The following KANSL1 variants were observed in gnomAD, a reference collection of about 807,000 sequenced individuals.
KANSL1 encodes the protein MLL1/MLL complex subunit KANSL1.
In KANSL1, 22 loss-of-function variants were observed where a neutral mutation model predicts 103.6. The ratio of observed to expected loss-of-function variants is 0.21; its 90% CI spans 0.15 to 0.30. The LOEUF (loss-of-function observed/expected upper bound fraction) is 0.30. Among genes scored for constraint, KANSL1 ranks in the 10% least tolerant of loss-of-function variants. The pLI, the probability that KANSL1 is intolerant of heterozygous loss-of-function variation, is 1.00. For synonymous variants in KANSL1, 600 were observed against 527.6 expected, an observed-to-expected ratio of 1.14 and a Z score of -1.88; for missense variants, 1,337 against 1,399.8, an observed-to-expected ratio of 0.96 and a Z score of 0.72.
intron 7 of KANSL1, chr17:46,040,786 A>G (rs1049085501): frequency 6.6e-6 from 1 of 152,180 alleles, no homozygotes; most frequent in Non-Finnish European, 1.5e-5. Context: ...CAATCGACTG[A>G]CGTGGTATCT....
At chr17:46,187,912 G>A (rs1036637511) in intron 1 of KANSL1, among the ~76,000 whole-genome samples, 3 of 152,082 alleles carry the variant, frequency 2.0e-5, no homozygotes, top group Admixed American at 6.5e-5. Context: ...GTCAGTTTCC[G>A]CACTCTATTT....
chr17:46,122,913 C>T (rs1258142523), intron 2 of KANSL1, among the ~76,000 whole-genome samples: 1 of 152,198 alleles, frequency 6.6e-6, no homozygotes, highest in Non-Finnish European at 1.5e-5. Context: ...TCTCCCTCTC[C>T]TCTTGTTTCC....
chr17:46,198,725 C>CT (rs1321351291), upstream of KANSL1, among the ~76,000 whole-genome samples: 1 of 152,206 alleles, frequency 6.6e-6, no homozygotes, highest in Non-Finnish European at 1.5e-5. Flanking sequence ...GAGCGGGACT[C>CT]TGTTTCAAAA....
chr17:46,050,477 C>T (rs2077674088), intron 7 of KANSL1, 56 bp downstream of exon 7: 3 of 1,548,352 alleles, frequency 1.9e-6, no homozygotes, highest in African/African-American at 1.4e-5. Context: ...TTTTCTTTCA[C>T]CTAGAAGTCT....
chr17:46,082,306 A>G lies in KANSL1; in HGVS notation c.1533+135T>C, dbSNP rs111519055. The G allele has an allele frequency of 0.15, 85,652 of 571,898 alleles. 8,147 individuals carry two copies. Among genetic ancestry groups the G allele is most frequent in the Middle Eastern group, 0.2 (570 of 2,830 alleles). 35.4% of individuals were successfully genotyped at this position (571,898 alleles called of 1,614,324 possible). A position where few individuals can be genotyped will look rare whatever the true frequency, so the allele number is the denominator to read the frequency against. On this transcript the variant is annotated intron_variant, in intron 4 of 14. Coordinates refer to ENST00000432791, the MANE Select transcript of KANSL1 (RefSeq NM_015443.4). ...TATTCAGGAATTCAGATCTTAAAACACCAAAAGTGATAAAAGTAGATACAG... is the reference window on the plus strand; with the variant it reads ...TATTCAGGAATTCAGATCTTAAAACGCCAAAAGTGATAAAAGTAGATACAG...
At chr17:46,195,066 T>C (rs559515772), upstream of KANSL1, among the ~76,000 whole-genome samples, 1 of 152,378 alleles carries the variant, frequency 6.6e-6, no homozygotes, top group Non-Finnish European at 1.5e-5. Context: ...TTTACAACCC[T>C]GGGGAAAAAC....
rs571578835 is a variant in KANSL1, at chr17:46,034,494, T to C, written c.2542-209A>G. ...GAAATACCAGGTGGTCATGAGGAGT[T>C]AGTCCCATTCATAAGTCCCACTGGT... On this transcript the variant is annotated intron_variant, in intron 10 of 14. Coordinates refer to ENST00000432791, the MANE Select transcript of KANSL1 (RefSeq NM_015443.4). The C allele has an allele frequency of 3.4e-5, 17 of 498,396 alleles. No homozygotes were observed. In the East Asian group the frequency reaches 5.8e-4, roughly 17 times the overall value. 30.9% of individuals were successfully genotyped at this position (498,396 alleles called of 1,614,324 possible).
intron 8 of KANSL1, 132 bp from the exon 9 acceptor site, chr17:46,039,347 GAAGT>G: frequency 1.2e-6 from 1 of 803,356 alleles, no homozygotes; most frequent in Non-Finnish European, 1.9e-6. Context: ...CTTCAGGACT[GAAGT>G]TTCTAGTAAT....
At chr17:46,166,506 C>T (rs2046008516) in intron 2 of KANSL1, among the ~76,000 whole-genome samples, 1 of 149,962 alleles carries the variant, frequency 6.7e-6, no homozygotes, top group Non-Finnish European at 1.5e-5. Flanking sequence ...GAGCAACATT[C>T]GGTCTCCAAA....
intron 2 of KANSL1, among the ~76,000 whole-genome samples, chr17:46,114,440 G>A (rs1000454740): frequency 7.9e-5 from 12 of 152,302 alleles, no homozygotes; most frequent in South Asian, 2.1e-4. Context: ...TATCTGAAGA[G>A]GAAGAAGGAT....
intron 2 of KANSL1, among the ~76,000 whole-genome samples, chr17:46,155,957 C>T (rs935856189): frequency 7.9e-5 from 12 of 152,190 alleles, no homozygotes; most frequent in Non-Finnish European, 2.9e-5. Context: ...ACTCTAAGAA[C>T]AATCCTTTCT....
intron 2 of KANSL1, among the ~76,000 whole-genome samples, chr17:46,166,282 C>T (rs1029710483): frequency 3.3e-5 from 5 of 150,804 alleles, no homozygotes; most frequent in African/African-American, 4.9e-5. Context: ...GAGGCCAAGG[C>T]GGGTAGATCA....
chr17:46,189,031 CAAAAAAAAAAAAAA>C (rs57566816), intron 1 of KANSL1, among the ~76,000 whole-genome samples: 1,778 of 62,360 alleles, frequency 0.029, 74 homozygotes, highest in African/African-American at 0.16. Flanking sequence ...AAGATTGTCT[CAAAAAAAAAAAAAA>C]AAAAAAAAAA....
chr17:46,131,436 A>G (rs2043855822), intron 2 of KANSL1, among the ~76,000 whole-genome samples: 1 of 152,244 alleles, frequency 6.6e-6, no homozygotes, highest in Non-Finnish European at 1.5e-5. Flanking sequence ...TCATACCTTA[A>G]TTGTGCAAAA....
chr17:46,065,380 T>G (rs773293019), intron 6 of KANSL1, among the ~76,000 whole-genome samples: 2 of 152,202 alleles, frequency 1.3e-5, no homozygotes. Context: ...TTTTGTTTAG[T>G]GTTGTATACC....
intron 1 of KANSL1, among the ~76,000 whole-genome samples, chr17:46,173,148 T>C (rs2046366057): frequency 6.6e-6 from 1 of 152,224 alleles, no homozygotes; most frequent in Admixed American, 6.5e-5. Context: ...TTTCCTGATG[T>C]CCTTGTACTA....
rs749472138 is a variant in KANSL1 at position 46,039,225 on chromosome 17, G to A, written c.2204-10C>T. 17 of 1,548,870 alleles carry A rather than the reference G, an allele frequency of 1.1e-5. No homozygotes were observed. The highest frequency in any genetic ancestry group is 1.3e-5 in the Non-Finnish European group (15 of 1,153,706). On this transcript the variant is annotated splice_polypyrimidine_tract_variant and intron_variant, in intron 8 of 14. Coordinates refer to ENST00000432791, the MANE Select transcript of KANSL1 (RefSeq NM_015443.4). ...TGGTGATGGGACAGCTCTGAAGAGGGGAACAGAAAAAGAGCTGTGAAATAT... is the reference window on the plus strand; with the variant it reads ...TGGTGATGGGACAGCTCTGAAGAGGAGAACAGAAAAAGAGCTGTGAAATAT...
intron 2 of KANSL1, among the ~76,000 whole-genome samples, chr17:46,123,223 A>C (rs1466301036): frequency 6.6e-6 from 1 of 152,144 alleles, no homozygotes; most frequent in Middle Eastern, 3.2e-3. Flanking sequence ...CTAAAAATAC[A>C]AAAATTATGT....
At position 46,171,282 on chromosome 17, in the gene KANSL1, G is replaced by A. The variant is rs144805634; in HGVS notation, c.862C>T (p.Leu288=). ...LDSDTRITAL[L]RRQADIESRA... is the part of the protein sequence containing the mutation. ...CTCTCAATGTCAGCCTGTCGCCGCA[G>A]TAAAGCTGTTATCCTTGTGTCAGAA... is the stretch of plus-strand genomic sequence containing the variant. The change falls in exon 2 of 15, where the codon CTG becomes TTG. Residue 288 remains leucine (L), a synonymous_variant. Transcript: ENST00000432791. 3.8e-5 allele frequency: 61 copies of A among 1,614,034 alleles called. No homozygotes were observed. Among genetic ancestry groups the A allele is most frequent in the Non-Finnish European group, 3.8e-5 (45 of 1,180,056 alleles).
Sources: gnomAD v4.1 joint callset for allele counts (sites outside exome capture counted in the v4.1 genomes callset) on GRCh38, gnomAD v4.1.1 for gene constraint, MANE v1.5 for transcripts, NCBI Gene and HGNC (gene_info 2026-07-23, HGNC 2026-07-21) for gene names.